The following ZSCAN9 variants were observed in gnomAD, a reference collection of about 807,000 sequenced individuals.
ZSCAN9 encodes the protein zinc finger and SCAN domain-containing protein 9.
A neutral mutation model predicts 23.0 loss-of-function variants in ZSCAN9; 19 were observed. The ratio of observed to expected loss-of-function variants is 0.83; its 90% confidence interval spans 0.58 to 1.21. The LOEUF (loss-of-function observed/expected upper bound fraction) is 1.21, where lower values mean the gene tolerates loss of function less well. Ranked by LOEUF, ZSCAN9 falls within the 50% of genes most tolerant of loss-of-function variation. The probability of loss-of-function intolerance (pLI) is 0.00; values close to 1 mark genes in which losing one functional copy is unlikely to be tolerated. For missense variants in ZSCAN9, 467 were observed against 471.5 expected, an observed-to-expected ratio of 0.99 and a Z score of 0.09; for synonymous variants, 155 against 164.8, an observed-to-expected ratio of 0.94 and a Z score of 0.46.
rs775794170 is a variant in ZSCAN9 at position 28,227,276 on chromosome 6, T to G, written c.192T>G (p.Pro64=). ...GACAGCTGTGCTACCAAGAGACCCC[T>G]GGACCAAGGGAGGCTCTTACTCGAC... ...HFRQLCYQET[P]GPREALTRLQ... The change falls in exon 2 of 4, where the codon CCT becomes CCG. Residue 64 remains proline, a synonymous_variant. Coordinates refer to ENST00000252207, the MANE Select transcript of ZSCAN9 (RefSeq NM_006299.5). The G allele has an allele frequency of 2.5e-6, 4 of 1,614,086 alleles. No individual in the cohort carries two copies. The highest frequency in any genetic ancestry group is 3.4e-6 in the Non-Finnish European group (4 of 1,180,034).
In ZSCAN9 at chr6:28,227,351, G is replaced by A. The variant is rs201507324; in HGVS notation, c.267G>A (p.Glu89=). 4.9e-5 allele frequency: 79 copies of A among 1,614,124 alleles called. No homozygotes were observed. The highest frequency in any genetic ancestry group is 6.3e-5 in the Non-Finnish European group (74 of 1,180,054). ...TGAGGCCACATGTGAGCACAAAGGA[G>A]CAGATTTTGGATCTGCTGGTGCTGG... is the stretch of plus-strand genomic sequence containing the variant. The part of the protein sequence containing the change: ...QWLRPHVSTK[E]QILDLLVLEQ... Residue 89 remains glutamate (E), a synonymous_variant, in exon 2 of 4, where the codon GAG becomes GAA. Coordinates refer to ENST00000252207, the MANE Select transcript of ZSCAN9 (RefSeq NM_006299.5).
At chr6:28,231,484 C>T (rs953680487) in intron 3 of ZSCAN9, among the ~76,000 whole-genome samples, 1 of 152,186 alleles carries the variant, frequency 6.6e-6, no homozygotes, top group East Asian at 1.9e-4. Flanking sequence ...TGGTGGCTCA[C>T]GCCTGTAATC....
chr6:28,232,424 G>T, intron 3 of ZSCAN9, 138 bp from the exon 4 acceptor site: 2 of 1,415,238 alleles, frequency 1.4e-6, no homozygotes, highest in Non-Finnish European at 1.9e-6. Context: ...TCCTCCCTAC[G>T]TAGGGGAAAG....
rs765370848 is a variant in ZSCAN9, at chr6:28,232,894, C to CGA, written c.903_904dup (p.Gly302GlufsTer99). The CGA allele has an allele frequency of 3.1e-6, 5 of 1,614,026 alleles. No homozygotes were observed. The East Asian group carries it at 1.1e-4, about 36-fold the overall frequency. ...TCGAAGTTCTGGTCTTTTTAATCAC[C>CGA]GAGGAATCCACAATATACAGAAACG... On this transcript the variant is annotated frameshift_variant, in exon 4 of 4. Transcript: ENST00000252207. LOFTEE classifies it low-confidence loss of function (END_TRUNC).
intron 3 of ZSCAN9, among the ~76,000 whole-genome samples, chr6:28,229,607 A>T (rs1760228488): frequency 1.3e-5 from 2 of 152,234 alleles, no homozygotes; most frequent in Non-Finnish European, 2.9e-5. Flanking sequence ...GTTTGAAATT[A>T]CAAGGACCAA....
rs141585458 is a variant in ZSCAN9, at chr6:28,232,962, G to A, written c.969G>A (p.Ala323=). The change falls in exon 4 of 4, where the codon GCG becomes GCA. Residue 323 remains alanine, a synonymous_variant. Coordinates refer to ENST00000252207, the MANE Select transcript of ZSCAN9 (RefSeq NM_006299.5). ...GTGGGAAGGTCTTCAGTCAGAGTGC[G>A]GGTCTTATCCAGCATCAGAGAATCC... ...KECGKVFSQS[A]GLIQHQRIHK... is the part of the protein sequence containing the mutation. 5.7e-4 allele frequency: 927 copies of A among 1,614,154 alleles called. 11 individuals are homozygous for A. The African/African-American group carries it at 7.3e-3, about 13-fold the overall frequency.
chr6:28,232,484 A>G (rs1190438149), intron 3 of ZSCAN9, 78 bp from the exon 4 acceptor site: 3 of 1,523,822 alleles, frequency 2.0e-6, no homozygotes, highest in Non-Finnish European at 2.6e-6. Flanking sequence ...TTTCTATGAT[A>G]TATTTTTATA....
chr6:28,228,128 A>G (rs907601957), intron 3 of ZSCAN9: 5 of 669,682 alleles, frequency 7.5e-6, no homozygotes, highest in African/African-American at 1.8e-5. Context: ...TCAAGGTTTG[A>G]CAGACAGGTT....
intron 3 of ZSCAN9, among the ~76,000 whole-genome samples, chr6:28,232,148 A>G (rs1016202345): frequency 6.6e-6 from 1 of 152,170 alleles, no homozygotes; most frequent in Non-Finnish European, 1.5e-5. Flanking sequence ...GATGGCCAAC[A>G]TGGCGAAACC....
chr6:28,230,544 A>G (rs943686432), intron 3 of ZSCAN9: 65 of 1,505,058 alleles, frequency 4.3e-5, no homozygotes, highest in Non-Finnish European at 5.5e-5. Context: ...AAAGAGGCAA[A>G]TATTTTGGTC....
Position 28,232,675 on chromosome 6 carries a change from G to T in ZSCAN9, c.682G>T (p.Asp228Tyr). 6.2e-7 allele frequency: 1 copy of T among 1,614,180 alleles called. No homozygotes were observed. The highest frequency in any genetic ancestry group is 8.5e-7 in the Non-Finnish European group (1 of 1,180,042). The part of the protein sequence containing the change: ...NEQTWEVSQQ[D>Y]PSHGEVGEHK... Reference sequence around the variant, plus strand: ...GCAGACCTGGGAGGTATCACAGCAGGATCCCTCACATGGAGAAGTTGGTGA... The same window carrying T: ...GCAGACCTGGGAGGTATCACAGCAGTATCCCTCACATGGAGAAGTTGGTGA... The change falls in exon 4 of 4, where the codon GAT becomes TAT. Residue 228 changes from aspartate (D) to tyrosine (Y), a missense_variant. By Grantham distance (160) the Asp-to-Tyr change is radical. Coordinates refer to ENST00000252207, the MANE Select transcript of ZSCAN9 (RefSeq NM_006299.5).
chr6:28,228,195 T>C, intron 3 of ZSCAN9: 2 of 607,038 alleles, frequency 3.3e-6, no homozygotes, highest in Non-Finnish European at 5.8e-6. Flanking sequence ...ACTTAACCAC[T>C]TGACCTCAGA....
chr6:28,227,561 G>A (rs2113648900), intron 2 of ZSCAN9, 57 bp downstream of exon 2: 2 of 1,564,610 alleles, frequency 1.3e-6, no homozygotes, highest in East Asian at 4.5e-5. Context: ...AAGAATCCTT[G>A]TCACTTCTGC....
intron 3 of ZSCAN9, among the ~76,000 whole-genome samples, chr6:28,231,393 CAG>C (rs1760297330): frequency 6.6e-6 from 1 of 152,182 alleles, no homozygotes; most frequent in African/African-American, 2.4e-5. Flanking sequence ...CTGGGTGAGA[CAG>C]AGCCAGATGG....
At position 28,227,957 on chromosome 6, in the gene ZSCAN9, G is replaced by A. The variant is rs1262647428; in HGVS notation, c.568+120G>A. 5.8e-6 allele frequency: 7 copies of A among 1,204,750 alleles called. No individual in the cohort carries two copies. In the South Asian group the frequency reaches 7.7e-5, roughly 13 times the overall value. The allele number at this position is 1,204,750 out of a possible 1,614,324, so 74.6% of individuals were successfully genotyped here. On this transcript the variant is annotated intron_variant, in intron 3 of 3. Transcript: ENST00000252207. ...GACTCCTTACCAGATAGCAGTAATG[G>A]TCAGTTCTTCTGAGAGCCTAGTGTG...
rs1299321826 is a variant in ZSCAN9, at chr6:28,232,717, G to A, written c.724G>A (p.Glu242Lys). ...GEVGEHKDRI[E>K]RQWGNLLGEG... Reference sequence around the variant, plus strand: ...AGTTGGTGAACATAAGGATAGGATAGAGAGGCAGTGGGGAAACCTCTTAGG... The same window carrying A: ...AGTTGGTGAACATAAGGATAGGATAAAGAGGCAGTGGGGAAACCTCTTAGG... The change falls in exon 4 of 4, where the codon GAG becomes AAG. Residue 242 changes from glutamate (E) to lysine (K), a missense_variant. Transcript: ENST00000252207. The A allele has an allele frequency of 6.2e-7, 1 of 1,614,202 alleles. No homozygotes were observed. Among genetic ancestry groups the A allele is most frequent in the Non-Finnish European group, 8.5e-7 (1 of 1,180,052 alleles).
rs1465213732 is a variant in ZSCAN9, at chr6:28,232,943, A to G, written c.950A>G (p.Lys317Arg). 6.2e-7 allele frequency: 1 copy of G among 1,614,114 alleles called. No homozygotes were observed. The highest frequency in any genetic ancestry group is 1.3e-5 in the African/African-American group (1 of 74,932). Residue 317 changes from lysine (K) to arginine (R), a missense_variant, in exon 4 of 4, where the codon AAG becomes AGG. Transcript: ENST00000252207. ...QKRYHCKECG[K>R]VFSQSAGLIQ... ...CGGTACCACTGCAAGGAGTGTGGGA[A>G]GGTCTTCAGTCAGAGTGCGGGTCTT...
rs1451306215 is a variant in ZSCAN9 at position 28,233,174 on chromosome 6, T to A, written c.1181T>A (p.Val394Asp). 2 of 1,611,172 alleles carry A rather than the reference T, an allele frequency of 1.2e-6. No homozygotes were observed. The highest frequency in any genetic ancestry group is 1.7e-6 in the Non-Finnish European group (2 of 1,177,644). Residue 394 changes from valine to aspartate, a missense_variant, in exon 4 of 4, where the codon GTC (valine) becomes GAC (aspartate). Physicochemically the swap from Val to Asp is radical, Grantham distance 152. Coordinates refer to ENST00000252207, the MANE Select transcript of ZSCAN9 (RefSeq NM_006299.5). Reference protein sequence around the residue: ...HQKIHTVAELV With the variant: ...HQKIHTVAELD The stretch of plus-strand genomic sequence containing the variant: ...AAGATCCACACAGTGGCTGAGCTGG[T>A]CTAGGGCTTGGCTATGAGCAAGTTT...
Position 28,227,257 on chromosome 6 carries a change from T to G in ZSCAN9, c.173T>G (p.Leu58Arg). The change falls in exon 2 of 4, where the codon CTG becomes CGG. Residue 58 changes from leucine to arginine, a missense_variant. Leu to Arg is a moderately radical substitution (Grantham distance 102). Coordinates refer to ENST00000252207, the MANE Select transcript of ZSCAN9 (RefSeq NM_006299.5). ...ATCTTCCGAAGGCACTTTCGACAGCTGTGCTACCAAGAGACCCCTGGACCA... is the reference window on the plus strand; with the variant it reads ...ATCTTCCGAAGGCACTTTCGACAGCGGTGCTACCAAGAGACCCCTGGACCA... The part of the protein sequence containing the change: ...REIFRRHFRQ[L>R]CYQETPGPRE... The G allele has an allele frequency of 6.2e-7, 1 of 1,614,244 alleles. No individual in the cohort carries two copies.
Sources: gnomAD v4.1 joint callset for allele counts (sites outside exome capture counted in the v4.1 genomes callset) on GRCh38, gnomAD v4.1.1 for gene constraint, MANE v1.5 for transcripts, NCBI Gene and HGNC (gene_info 2026-07-23, HGNC 2026-07-21) for gene names.